The following MRPS6 variants were observed in gnomAD, a reference collection of about 807,000 sequenced individuals.
The protein encoded by MRPS6 is mitochondrial ribosomal protein S6, also known as small ribosomal subunit protein bS6m.
In MRPS6, 6 loss-of-function variants were observed where a neutral mutation model predicts 13.1. The observed-to-expected ratio is 0.46, with a 90% confidence interval of 0.25 to 0.91. The LOEUF (loss-of-function observed/expected upper bound fraction) is 0.91. Among genes scored for constraint, MRPS6 ranks in the 40% least tolerant of loss-of-function variants. The probability of loss-of-function intolerance (pLI) is 0.18; values close to 1 mark genes in which losing one functional copy is unlikely to be tolerated. For missense variants in MRPS6, 164 were observed against 155.6 expected, an observed-to-expected ratio of 1.05 and a Z score of -0.29; for synonymous variants, 61 against 56.5, an observed-to-expected ratio of 1.08 and a Z score of -0.36.
At chr21:34,087,400 C>A (rs1293137411) in intron 1 of MRPS6, among the ~76,000 whole-genome samples, 1 of 152,150 alleles carries the variant, frequency 6.6e-6, no homozygotes, top group African/African-American at 2.4e-5. Context: ...ATTTAACAAA[C>A]ATTTGAGCAC....
At chr21:34,108,248 A>C (rs1979561434) in intron 1 of MRPS6, among the ~76,000 whole-genome samples, 1 of 152,192 alleles carries the variant, frequency 6.6e-6, no homozygotes, top group African/African-American at 2.4e-5. Flanking sequence ...ATTCATGGTA[A>C]GTGCCCTTTA....
intron 2 of MRPS6, among the ~76,000 whole-genome samples, chr21:34,138,748 A>T (rs192714096): frequency 0.011 from 1,739 of 152,250 alleles, 36 homozygotes; most frequent in South Asian, 0.08. Flanking sequence ...TGGACTGTAA[A>T]CTAGTTCAAC....
chr21:34,102,828 C>T, intron 1 of MRPS6: 1 of 1,000,130 alleles, frequency 1.0e-6, no homozygotes, highest in Non-Finnish European at 1.2e-6. Context: ...TTTCCCCTCA[C>T]TTCTAGGTTG....
intron 1 of MRPS6, among the ~76,000 whole-genome samples, chr21:34,120,263 A>G (rs1369162111): frequency 6.6e-6 from 1 of 152,208 alleles, no homozygotes; most frequent in Non-Finnish European, 1.5e-5. Context: ...CCATGCAGAT[A>G]TTAATCCAAC....
At chr21:34,090,714 T>TA (rs1311844333) in intron 1 of MRPS6, among the ~76,000 whole-genome samples, 1 of 152,194 alleles carries the variant, frequency 6.6e-6, no homozygotes, top group East Asian at 1.9e-4. Flanking sequence ...CTCTGTTACT[T>TA]ATTCCTTATA....
At chr21:34,095,039 C>A in intron 1 of MRPS6, 2 of 840,316 alleles carry the variant, frequency 2.4e-6, no homozygotes, top group South Asian at 2.2e-5. Context: ...CAACCACCAC[C>A]ATCAAGACAG....
At chr21:34,109,235 T>TC (rs1222803226) in intron 1 of MRPS6, among the ~76,000 whole-genome samples, 2 of 152,196 alleles carry the variant, frequency 1.3e-5, no homozygotes, top group Admixed American at 6.5e-5. Context: ...TAGTTTTTTT[T>TC]CTGTGTTAAT....
rs190078714 is a variant in MRPS6 at position 34,112,347 on chromosome 21, C to G, written c.46-12994C>G. ...ACAGACTCCTATATAATTACACTTG[C>G]AAGATGTATGTGGAATGCGAGCGAT... On this transcript the variant is annotated intron_variant, in intron 1 of 2. Coordinates refer to ENST00000399312, the MANE Select transcript of MRPS6 (RefSeq NM_032476.4). Among the ~76,000 whole-genome samples the G allele has an allele frequency of 1.1e-4, 16 of 152,212 alleles. 1 individual carries two copies. The Middle Eastern group carries it at 0.02, about 194-fold the overall frequency.
intron 2 of MRPS6, among the ~76,000 whole-genome samples, chr21:34,141,946 G>A (rs1163540919): frequency 6.6e-6 from 1 of 152,152 alleles, no homozygotes; most frequent in Non-Finnish European, 1.5e-5. Flanking sequence ...TCCCATGTTT[G>A]TGGGCTCATG....
At chr21:34,139,733 A>G (rs1297770908) in intron 2 of MRPS6, among the ~76,000 whole-genome samples, 1 of 151,984 alleles carries the variant, frequency 6.6e-6, no homozygotes, top group Non-Finnish European at 1.5e-5. Context: ...ACACACCACC[A>G]TGCCTGGCTA....
chr21:34,142,642 A>G lies in MRPS6; in HGVS notation c.*42A>G, dbSNP rs749551957. On this transcript the variant is annotated 3_prime_UTR_variant, in exon 3 of 3. Coordinates refer to ENST00000399312, the MANE Select transcript of MRPS6 (RefSeq NM_032476.4). ...TTAGCCTTATATGTAATTCCTTCACATTTGGGCAGCATGGACGAGAAGGAA... is the reference window on the plus strand; with the variant it reads ...TTAGCCTTATATGTAATTCCTTCACGTTTGGGCAGCATGGACGAGAAGGAA... 3 of 1,531,390 alleles carry G rather than the reference A, an allele frequency of 2.0e-6. No individual in the cohort carries two copies. Among genetic ancestry groups the G allele is most frequent in the Non-Finnish European group, 2.6e-6 (3 of 1,142,950 alleles). The allele number at this position is 1,531,390 out of a possible 1,614,324, so 94.9% of individuals were successfully genotyped here. A position where few individuals can be genotyped will look rare whatever the true frequency, so the allele number is the denominator to read the frequency against.
intron 1 of MRPS6, chr21:34,095,865 G>T: frequency 6.2e-7 from 1 of 1,614,036 alleles, no homozygotes; most frequent in Non-Finnish European, 8.5e-7. Context: ...GGCCTCACCC[G>T]ATGTCACTTC....
chr21:34,119,677 T>G (rs1006966886), intron 1 of MRPS6, among the ~76,000 whole-genome samples: 1 of 152,178 alleles, frequency 6.6e-6, no homozygotes, highest in African/African-American at 2.4e-5. Context: ...TAGTGCTAGC[T>G]GGGTATATTG....
chr21:34,099,694 ATACATAAGG>A (rs1979146373), intron 1 of MRPS6: 1 of 998,230 alleles, frequency 1.0e-6, no homozygotes, highest in Non-Finnish European at 1.2e-6. Context: ...TCTTAGTAAG[ATACATAAGG>A]TACATCATCT....
chr21:34,078,951 C>A (rs1989396142), intron 1 of MRPS6, among the ~76,000 whole-genome samples: 1 of 152,178 alleles, frequency 6.6e-6, no homozygotes, highest in Non-Finnish European at 1.5e-5. Context: ...GTAGTTACCT[C>A]TTAGGGGAAT....
At chr21:34,098,832 G>C in intron 1 of MRPS6, 1 of 999,900 alleles carries the variant, frequency 1.0e-6, no homozygotes, top group African/African-American at 1.7e-5. Context: ...GCTCAACACT[G>C]TCCTTTGTCC....
chr21:34,123,360 C>G (rs1001018679), intron 1 of MRPS6: 5 of 152,032 alleles, frequency 3.3e-5, no homozygotes, highest in African/African-American at 1.2e-4. Flanking sequence ...TTAAAATCAC[C>G]CTGCTTGCAC....
At chr21:34,110,894 C>T (rs1042771069) in intron 1 of MRPS6, among the ~76,000 whole-genome samples, 2 of 152,238 alleles carry the variant, frequency 1.3e-5, no homozygotes, top group Admixed American at 1.3e-4. Flanking sequence ...CTTCAATTTT[C>T]TTCCTAAGGC....
intron 1 of MRPS6, among the ~76,000 whole-genome samples, chr21:34,081,914 A>G (rs766310890): frequency 1.3e-5 from 2 of 152,188 alleles, no homozygotes; most frequent in African/African-American, 2.4e-5. Flanking sequence ...CTTGTTAAGT[A>G]AATGTTTGAA....
Sources: gnomAD v4.1 joint callset for allele counts (sites outside exome capture counted in the v4.1 genomes callset) on GRCh38, gnomAD v4.1.1 for gene constraint, MANE v1.5 for transcripts, NCBI Gene and HGNC (gene_info 2026-07-23, HGNC 2026-07-21) for gene names.